OPHN1: variants seen among roughly 807,000 people sequenced by gnomAD.
The protein encoded by OPHN1 is oligophrenin 1, also known as oligophrenin-1.
OPHN1 carries 11 observed loss-of-function variants against 60.7 expected under a neutral mutation model. The observed-to-expected ratio is 0.18, with a 90% CI of 0.11 to 0.30. The LOEUF (loss-of-function observed/expected upper bound fraction) is 0.30, where lower values mean the gene tolerates loss of function less well. Among genes scored for constraint, OPHN1 ranks in the 10% least tolerant of loss-of-function variants. The pLI, the probability that OPHN1 is intolerant of heterozygous loss-of-function variation, is 1.00. For missense variants in OPHN1, 449 were observed against 611.0 expected (o/e 0.73, Z 2.80); for synonymous variants, 226 against 222.6 (o/e 1.02, Z -0.14).
intron 5 of OPHN1, among the ~76,000 whole-genome samples, chrX:68,257,926 T>C (rs2077872348): frequency 9.0e-6 from 1 of 110,600 alleles, no homozygotes; most frequent in Non-Finnish European, 1.9e-5. Context: ...GGAACCGAGT[T>C]ACAAGCTCAC....
At chrX:68,240,352 C>T (rs1446325186) in intron 5 of OPHN1, among the ~76,000 whole-genome samples, 2 of 110,954 alleles carry the variant, frequency 1.8e-5, no homozygotes, top group African/African-American at 6.6e-5. Context: ...GGATTTGAAC[C>T]GACTCATTTC....
intron 2 of OPHN1, among the ~76,000 whole-genome samples, chrX:68,420,004 C>G (rs961664043): frequency 9.0e-6 from 1 of 111,580 alleles, no homozygotes; most frequent in African/African-American, 3.3e-5. Context: ...TTGGTCTGGA[C>G]TGTCTTCCTC....
intron 2 of OPHN1, among the ~76,000 whole-genome samples, chrX:68,355,454 G>C (rs1327493761): frequency 8.9e-6 from 1 of 111,868 alleles, no homozygotes; most frequent in East Asian, 2.8e-4. Flanking sequence ...CAGTTCATAT[G>C]CTGATATAGG....
At chrX:68,355,620 C>T (rs1197585631) in intron 2 of OPHN1, among the ~76,000 whole-genome samples, 1 of 112,547 alleles carries the variant, frequency 8.9e-6, no homozygotes, top group Non-Finnish European at 1.9e-5. Flanking sequence ...TTCTTTATCT[C>T]AGAGTAGTTG....
At chrX:68,244,211 A>G (rs2077794876) in intron 5 of OPHN1, among the ~76,000 whole-genome samples, 1 of 111,511 alleles carries the variant, frequency 9.0e-6, no homozygotes, top group Admixed American at 9.5e-5. Flanking sequence ...AATTTTTCTC[A>G]TGACTGGCTT....
intron 2 of OPHN1, among the ~76,000 whole-genome samples, chrX:68,418,408 T>C (rs776649820): frequency 9.0e-6 from 1 of 110,671 alleles, no homozygotes; most frequent in Non-Finnish European, 1.9e-5. Flanking sequence ...TGTGCAAAGA[T>C]GGTATTAGGA....
intron 9 of OPHN1, chrX:68,209,952 G>A: frequency 2.1e-6 from 1 of 475,448 alleles, no homozygotes; most frequent in Non-Finnish European, 3.7e-6. Context: ...TCACTACACA[G>A]CCTTTGTAAG....
chrX:68,433,649 G>A (rs4570302), upstream of OPHN1: 830 of 295,862 alleles, frequency 2.8e-3, 3 homozygotes, highest in African/African-American at 0.02. Context: ...TTCCTGACCA[G>A]GGCCCGCTGG....
At chrX:68,125,417 C>T (rs367549511) in intron 15 of OPHN1, among the ~76,000 whole-genome samples, 1 of 111,093 alleles carries the variant, frequency 9.0e-6, no homozygotes, top group Admixed American at 9.6e-5. Flanking sequence ...TGAAAAGATA[C>T]ATAAAATTGA....
intron 2 of OPHN1, among the ~76,000 whole-genome samples, chrX:68,372,496 G>A (rs1425062036): frequency 9.0e-6 from 1 of 111,146 alleles, no homozygotes; most frequent in African/African-American, 3.3e-5. Flanking sequence ...GACAGTTTCG[G>A]CATCTGTAAA....
chrX:68,395,033 G>C (rs183695252), intron 2 of OPHN1, among the ~76,000 whole-genome samples: 1 of 110,476 alleles, frequency 9.1e-6, no homozygotes, highest in African/African-American at 3.3e-5. Flanking sequence ...TCAGCCCACC[G>C]CAACCTCCGC....
At chrX:68,191,851 G>T (rs1180886429) in intron 15 of OPHN1, among the ~76,000 whole-genome samples, 2 of 111,189 alleles carry the variant, frequency 1.8e-5, no homozygotes, top group African/African-American at 6.5e-5. Context: ...TTACCTGGGG[G>T]TGGATACTTT....
At chrX:68,255,760 C>T (rs1398249052) in intron 5 of OPHN1, among the ~76,000 whole-genome samples, 1 of 110,917 alleles carries the variant, frequency 9.0e-6, no homozygotes, top group Non-Finnish European at 1.9e-5. Context: ...CACACACACA[C>T]ACACCCCTTG....
Position 68,073,265 on chromosome X carries a change from G to A in OPHN1, c.1721C>T (p.Pro574Leu), listed in dbSNP as rs764408357. The change falls in exon 20 of 25, where the codon CCG (proline) becomes CTG (leucine). Residue 574 changes from proline (P) to leucine (L), a missense_variant. Physicochemically the swap from Pro to Leu is moderately conservative, Grantham distance 98 (BLOSUM62 -3). Coordinates refer to ENST00000355520, the MANE Select transcript of OPHN1 (RefSeq NM_002547.3). The stretch of plus-strand genomic sequence containing the variant: ...TGTCACCCGAGGCGGAGGCACTGGC[G>A]GTGCAGCGCTTTCCTCAGGTGGACC... ...YLGPPEESAA[P>L]PVPPPRVTAR... 8 of 1,209,184 alleles carry A rather than the reference G, an allele frequency of 6.6e-6. No individual in the cohort carries two copies. Among genetic ancestry groups the A allele is most frequent in the South Asian group, 5.3e-5 (3 of 56,689 alleles).
chrX:68,239,541 C>G (rs1170190633), intron 5 of OPHN1, among the ~76,000 whole-genome samples: 1 of 111,230 alleles, frequency 9.0e-6, no homozygotes, highest in Non-Finnish European at 1.9e-5. Context: ...TTGCCTGCCC[C>G]CCTCCCGTAT....
At chrX:68,228,317 T>C (rs2077707893) in intron 6 of OPHN1, among the ~76,000 whole-genome samples, 1 of 111,685 alleles carries the variant, frequency 9.0e-6, no homozygotes, top group Non-Finnish European at 1.9e-5. Flanking sequence ...ACAGCCAAAT[T>C]CTACCAGAGG....
chrX:68,274,486 T>C (rs1404413414), intron 5 of OPHN1, among the ~76,000 whole-genome samples: 1 of 111,775 alleles, frequency 8.9e-6, no homozygotes, highest in Non-Finnish European at 1.9e-5. Flanking sequence ...TCTTTCGTGA[T>C]CATTTTCTCA....
chrX:68,346,089 C>A (rs2078377814), intron 2 of OPHN1, among the ~76,000 whole-genome samples: 1 of 111,899 alleles, frequency 8.9e-6, no homozygotes, highest in African/African-American at 3.2e-5. Flanking sequence ...GATCGCACCA[C>A]TGCACTCCAG....
Position 68,402,655 on chromosome X carries a change from A to G in OPHN1, c.154+30212T>C, listed in dbSNP as rs781308001. Among the ~76,000 whole-genome samples, 3 of 112,113 alleles carry G rather than the reference A, an allele frequency of 2.7e-5. No homozygotes were observed. In the East Asian group the frequency reaches 8.4e-4, roughly 32 times the overall value. On this transcript the variant is annotated intron_variant, in intron 2 of 24. Transcript: ENST00000355520. ...ATGGGCCTCATGATCTGTTCTCTTCAAACAGCCCAGTTAGAGTTATAGGTA... is the reference window on the plus strand; with the variant it reads ...ATGGGCCTCATGATCTGTTCTCTTCGAACAGCCCAGTTAGAGTTATAGGTA...
Sources: gnomAD v4.1 joint callset for allele counts (sites outside exome capture counted in the v4.1 genomes callset) on GRCh38, gnomAD v4.1.1 for gene constraint, MANE v1.5 for transcripts, NCBI Gene and HGNC (gene_info 2026-07-23, HGNC 2026-07-21) for gene names.